Variants in DGKH observed in about 807,000 individuals in gnomAD.
DGKH encodes the protein DAG kinase eta.
A neutral mutation model predicts 159.3 loss-of-function variants in DGKH; 90 were observed. The observed-to-expected ratio is 0.57, with a 90% CI of 0.48 to 0.67. The LOEUF (loss-of-function observed/expected upper bound fraction) is 0.67. Among genes scored for constraint, DGKH ranks in the 30% least tolerant of loss-of-function variants. DGKH has a pLI of 0.00. For synonymous variants in DGKH, 536 were observed against 553.8 expected (o/e 0.97, Z 0.45); for missense variants, 1,181 against 1,506.1 (o/e 0.78, Z 3.57).
At chr13:42,092,905 A>C (rs934880201) in intron 1 of DGKH, among the ~76,000 whole-genome samples, 6 of 152,174 alleles carry the variant, frequency 3.9e-5, no homozygotes, top group South Asian at 2.1e-4. Context: ...GTACAAAAAA[A>C]TTTAAGAAGA....
chr13:42,238,061 C>T lies in DGKH; in HGVS notation c.*8873C>T, dbSNP rs1027499140. The stretch of plus-strand genomic sequence containing the variant: ...TTGGCATTGGCTCATTGTGTCCTTT[C>T]TACAAGTTATGTTTTGGTGACTTGG... On this transcript the variant is annotated 3_prime_UTR_variant, in exon 30 of 30. Transcript: ENST00000337343. The T allele has an allele frequency of 6.6e-6, 1 of 152,150 alleles. No individual in the cohort carries two copies. Among genetic ancestry groups the T allele is most frequent in the Non-Finnish European group, 1.5e-5 (1 of 68,018 alleles). The allele number at this position is 152,150 out of a possible 1,614,324, so 9.4% of individuals were successfully genotyped here. A position where few individuals can be genotyped will look rare whatever the true frequency, so the allele number is the denominator to read the frequency against.
chr13:42,110,951 G>T (rs1466797072), intron 1 of DGKH, among the ~76,000 whole-genome samples: 1 of 152,058 alleles, frequency 6.6e-6, no homozygotes, highest in Non-Finnish European at 1.5e-5. Context: ...ATACCTGCTG[G>T]GCTTAACACC....
chr13:42,063,870 C>T (rs1019847069), intron 1 of DGKH, among the ~76,000 whole-genome samples: 50 of 151,570 alleles, frequency 3.3e-4, no homozygotes, highest in African/African-American at 9.5e-4. Context: ...ACCTGGAAGG[C>T]GGAGGTTGTG....
Position 42,199,856 on chromosome 13 carries a change from C to T in DGKH, c.2440C>T (p.Arg814Trp), listed in dbSNP as rs367697330. 43 of 1,612,384 alleles carry T rather than the reference C, an allele frequency of 2.7e-5. No homozygotes were observed. Among genetic ancestry groups the T allele is most frequent in the Non-Finnish European group, 3.2e-5 (38 of 1,179,400 alleles). Reference protein sequence around the residue: ...NLMWYGVLGTRELLQRSYKNL... With the variant: ...NLMWYGVLGTWELLQRSYKNL... ...GATGTGGTATGGAGTCCTTGGAACC[C>T]GGGAGTTATTACAGAGATCGTACAA... The change falls in exon 20 of 30, where the codon CGG becomes TGG. Residue 814 changes from arginine (R) to tryptophan (W), a missense_variant. Arg to Trp is a moderately radical substitution (Grantham distance 101). This residue lies in a region of DGKH where 335 missense variants were observed against 495.2 expected (regional missense o/e 0.68). Transcript: ENST00000337343.
At chr13:42,113,870 A>G (rs1954915735) in intron 1 of DGKH, among the ~76,000 whole-genome samples, 1 of 152,326 alleles carries the variant, frequency 6.6e-6, no homozygotes, top group South Asian at 2.1e-4. Flanking sequence ...AATATATTGA[A>G]TATATTGTGG....
At chr13:42,058,810 C>G (rs2137660659) in intron 1 of DGKH, among the ~76,000 whole-genome samples, 1 of 152,310 alleles carries the variant, frequency 6.6e-6, no homozygotes, top group Admixed American at 6.5e-5. Context: ...TTTTCCCTCA[C>G]CTGCCAGGTA....
At chr13:42,168,412 A>G (rs374069129) in intron 9 of DGKH, 28 bp from the exon 10 acceptor site, 1 of 1,580,806 alleles carries the variant, frequency 6.3e-7, no homozygotes, top group Non-Finnish European at 8.7e-7. Context: ...ATTTCTTTAT[A>G]CTAAAATAAA....
intron 24 of DGKH, among the ~76,000 whole-genome samples, chr13:42,213,711 A>G (rs982352058): frequency 6.6e-6 from 1 of 152,166 alleles, no homozygotes; most frequent in Admixed American, 6.6e-5. Context: ...CTTTCCAGAT[A>G]GAAAATATTT....
intron 1 of DGKH, among the ~76,000 whole-genome samples, chr13:42,050,902 A>G (rs1304986986): frequency 1.3e-5 from 2 of 152,244 alleles, no homozygotes; most frequent in African/African-American, 4.8e-5. Context: ...TTACATATTT[A>G]TATGAAATGG....
chr13:42,070,766 A>C, intron 1 of DGKH: 1 of 1,572,610 alleles, frequency 6.4e-7, no homozygotes. Flanking sequence ...GTCTTCATGT[A>C]CTCCTGAACA....
At chr13:42,244,942 A>C (rs937636529), downstream of DGKH, among the ~76,000 whole-genome samples, 1 of 148,856 alleles carries the variant, frequency 6.7e-6, no homozygotes, top group Admixed American at 6.7e-5. Context: ...AAAGAACAAC[A>C]TACACAATCT....
At position 42,230,292 on chromosome 13, in the gene DGKH, C is replaced by CA. The variant is rs1477516297; in HGVS notation, c.*1105dup. ...ACCCGCTCTCTACAGTGACTTCTGACACGATCTTCCAAACAGAAGGGATTT... is the reference window on the plus strand; with the variant it reads ...ACCCGCTCTCTACAGTGACTTCTGACAACGATCTTCCAAACAGAAGGGATTT... On this transcript the variant is annotated 3_prime_UTR_variant, in exon 30 of 30. Transcript: ENST00000337343. The CA allele has an allele frequency of 1.3e-5, 2 of 152,140 alleles. No individual in the cohort carries two copies. The highest frequency in any genetic ancestry group is 2.9e-5 in the Non-Finnish European group (2 of 68,044). 9.4% of individuals were successfully genotyped at this position (152,140 alleles called of 1,614,324 possible).
chr13:42,169,194 T>C (rs1221457882), intron 11 of DGKH, among the ~76,000 whole-genome samples: 1 of 152,224 alleles, frequency 6.6e-6, no homozygotes, highest in Admixed American at 6.5e-5. Context: ...TGTCATTGTA[T>C]GGTTTCCAAA....
At chr13:42,255,790 C>A in intron 30 of DGKH, 1 of 499,658 alleles carries the variant, frequency 2.0e-6, no homozygotes, top group Non-Finnish European at 3.5e-6. Flanking sequence ...AATATTTTCT[C>A]TGTCATTGGG....
rs573564109 is a variant in DGKH, at chr13:42,123,105, C to G, written c.193-4358C>G. 1.4e-3 allele frequency among the ~76,000 whole-genome samples: 219 copies of G among 152,236 alleles called. 1 individual carries two copies. The highest frequency in any genetic ancestry group is 2.7e-3 in the Non-Finnish European group (181 of 68,004). Reference sequence around the variant, plus strand: ...CAACGTAGAGGACTGTGGTCTATTTCTTAGTTACATATTAGCTACATTAAG... The same window carrying G: ...CAACGTAGAGGACTGTGGTCTATTTGTTAGTTACATATTAGCTACATTAAG... On this transcript the variant is annotated intron_variant, in intron 1 of 29. Transcript: ENST00000337343.
At chr13:42,079,494 C>T (rs1366946653) in intron 1 of DGKH, among the ~76,000 whole-genome samples, 1 of 152,086 alleles carries the variant, frequency 6.6e-6, no homozygotes, top group Non-Finnish European at 1.5e-5. Flanking sequence ...TGTCTCATTT[C>T]ACTAAAAGAG....
At chr13:42,210,222 G>A (rs1957616046) in intron 23 of DGKH, among the ~76,000 whole-genome samples, 1 of 151,712 alleles carries the variant, frequency 6.6e-6, no homozygotes. Flanking sequence ...ACATGCTGGA[G>A]TACAGTGGTG....
chr13:42,124,046 A>G (rs1337742389), intron 1 of DGKH, among the ~76,000 whole-genome samples: 5 of 152,218 alleles, frequency 3.3e-5, no homozygotes, highest in African/African-American at 1.2e-4. Context: ...ATATCTCAAT[A>G]AAGTTGTAAA....
rs781450681 is a variant in DGKH at position 42,199,949 on chromosome 13, AC to A, written c.2493+41del. ...AAGTAAAGATATTTCATATTATCTT[AC>A]TTAAAAAAAATATCGTTTTGGAGCT... On this transcript the variant is annotated intron_variant, in intron 20 of 29. Transcript: ENST00000337343. 3 of 1,517,222 alleles carry A rather than the reference AC, an allele frequency of 2.0e-6. No homozygotes were observed. The South Asian group carries it at 3.7e-5, about 19-fold the overall frequency. 94.0% of individuals were successfully genotyped at this position (1,517,222 alleles called of 1,614,324 possible).
Sources: gnomAD v4.1 joint callset for allele counts (sites outside exome capture counted in the v4.1 genomes callset) on GRCh38, gnomAD v4.1.1 for gene constraint, gnomAD v4.1.1 regional missense constraint, MANE v1.5 for transcripts, NCBI Gene and HGNC (gene_info 2026-07-23, HGNC 2026-07-21) for gene names.